Variants in TRAPPC3L observed in about 807,000 individuals in gnomAD.
TRAPPC3L encodes the protein trafficking protein particle complex subunit 3L.
TRAPPC3L carries 23 observed loss-of-function variants against 23.7 expected under a neutral mutation model. The observed-to-expected ratio is 0.97, with a 90% confidence interval of 0.70 to 1.37. The LOEUF is 1.37. Ranked by LOEUF, TRAPPC3L falls within the 40% of genes most tolerant of loss-of-function variation. The pLI, the probability that TRAPPC3L is intolerant of heterozygous loss-of-function variation, is 0.00. For missense variants in TRAPPC3L, 212 were observed against 216.8 expected, an observed-to-expected ratio of 0.98 and a Z score of 0.14; for synonymous variants, 81 against 77.9, an observed-to-expected ratio of 1.04 and a Z score of -0.21.
chr6:116,545,108 T>C (rs989933214), intron 1 of TRAPPC3L, among the ~76,000 whole-genome samples: 6 of 145,464 alleles, frequency 4.1e-5, no homozygotes, highest in Admixed American at 6.7e-5. Context: ...TATACACACA[T>C]ATATATATAC....
chr6:116,532,633 T>A (rs1326712123), intron 3 of TRAPPC3L, among the ~76,000 whole-genome samples: 1 of 152,246 alleles, frequency 6.6e-6, no homozygotes, highest in African/African-American at 2.4e-5. Context: ...TTTGGGAAAC[T>A]GTATTACTTC....
intron 3 of TRAPPC3L, among the ~76,000 whole-genome samples, chr6:116,527,471 A>C (rs1238663014): frequency 2.1e-5 from 3 of 145,658 alleles, no homozygotes; most frequent in South Asian, 4.4e-4. Context: ...GCCGACATCG[A>C]GCCACTGCAC....
intron 3 of TRAPPC3L, among the ~76,000 whole-genome samples, chr6:116,507,770 G>A (rs892335444): frequency 2.2e-4 from 34 of 151,774 alleles, no homozygotes; most frequent in Non-Finnish European, 4.7e-4. Context: ...GTGGTGGGAG[G>A]CGCATAAATG....
rs1773377427 is a variant in TRAPPC3L, at chr6:116,540,475, G to A, written c.141-13C>T. ...AATGCCGTAACCCCTGTGGATGACG[G>A]AAAGAGTGTGGTCTGAAAATTCTAA... On this transcript the variant is annotated splice_polypyrimidine_tract_variant and intron_variant, in intron 2 of 4. Transcript: ENST00000368602. 1 of 1,548,268 alleles carries A rather than the reference G, an allele frequency of 6.5e-7. No individual in the cohort carries two copies. The highest frequency in any genetic ancestry group is 1.4e-5 in the African/African-American group (1 of 72,866).
chr6:116,515,578 T>G, intron 3 of TRAPPC3L: 1 of 1,587,382 alleles, frequency 6.3e-7, no homozygotes, highest in South Asian at 1.2e-5. Context: ...ACGTGTGTAC[T>G]CAATATTTCT....
At chr6:116,515,827 GC>G in intron 3 of TRAPPC3L, 1 of 1,613,938 alleles carries the variant, frequency 6.2e-7, no homozygotes, top group East Asian at 2.2e-5. Context: ...CTTTTCCCAT[GC>G]CTACGTTTGC....
chr6:116,510,557 G>A (rs1434681471), intron 3 of TRAPPC3L, among the ~76,000 whole-genome samples: 2 of 151,890 alleles, frequency 1.3e-5, no homozygotes, highest in Non-Finnish European at 2.9e-5. Flanking sequence ...CAAAATGCTA[G>A]GATTACAGAC....
chr6:116,498,747 T>C (rs957862460), intron 4 of TRAPPC3L, among the ~76,000 whole-genome samples: 5 of 152,240 alleles, frequency 3.3e-5, no homozygotes, highest in African/African-American at 1.2e-4. Flanking sequence ...GCTGTACTTG[T>C]TCTTATTAAT....
Position 116,512,217 on chromosome 6 carries a change from C to G in TRAPPC3L, c.241-11551G>C, listed in dbSNP as rs757396231. 50 of 1,599,430 alleles carry G rather than the reference C, an allele frequency of 3.1e-5. No homozygotes were observed. The highest frequency in any genetic ancestry group is 4.0e-5 in the African/African-American group (3 of 74,820). ...ACCGTCAATGAAGAACTGAAACTCT[C>G]CCTTCAGGCCCAGTCTCAGGTAAGA... On this transcript the variant is annotated intron_variant, in intron 3 of 4. Transcript: ENST00000368602.
At chr6:116,518,530 A>G in intron 3 of TRAPPC3L, 1 of 152,362 alleles carries the variant, frequency 6.6e-6, no homozygotes, top group Admixed American at 6.5e-5. Flanking sequence ...TTTCAGAATA[A>G]AGGGAGAGAA....
chr6:116,496,995 G>T lies in TRAPPC3L; in HGVS notation c.505C>A (p.Leu169Ile). Residue 169 changes from leucine to isoleucine, a missense_variant, in exon 5 of 5, where the codon CTA becomes ATA. Physicochemically the swap from Leu to Ile is conservative, Grantham distance 5 (BLOSUM62 2). Coordinates refer to ENST00000368602, the MANE Select transcript of TRAPPC3L (RefSeq NM_001139444.3). ...DSVTEIGITF[L>I]KKRDEKKYRG... ...TATTTTTTCTCGTCTCGCTTTTTTA[G>T]AAATGTTATTCCTATTTCTGTCACA... 1 of 1,544,220 alleles carries T rather than the reference G, an allele frequency of 6.5e-7. No homozygotes were observed. The highest frequency in any genetic ancestry group is 8.7e-7 in the Non-Finnish European group (1 of 1,144,946).
intron 4 of TRAPPC3L, among the ~76,000 whole-genome samples, chr6:116,499,206 A>G (rs2115152445): frequency 6.6e-6 from 1 of 152,252 alleles, no homozygotes; most frequent in African/African-American, 2.4e-5. Context: ...TCTCAATTTC[A>G]TTCCTTTCAG....
chr6:116,507,655 G>T (rs1019123825), intron 3 of TRAPPC3L, among the ~76,000 whole-genome samples: 8 of 152,048 alleles, frequency 5.3e-5, no homozygotes, highest in Non-Finnish European at 1.2e-4. Flanking sequence ...CAGTTTGGGG[G>T]TCTTGGTTGC....
chr6:116,509,203 A>C (rs1486930397), intron 3 of TRAPPC3L, among the ~76,000 whole-genome samples: 1 of 152,118 alleles, frequency 6.6e-6, no homozygotes, highest in African/African-American at 2.4e-5. Context: ...GATGACACAA[A>C]CACAGGGAAA....
rs956232603 is a variant in TRAPPC3L at position 116,545,479 on chromosome 6, A to G, written c.36T>C (p.His12=). Residue 12 remains histidine (H), a synonymous_variant, in exon 1 of 5, where the codon CAT becomes CAC. Transcript: ENST00000368602. ...CTTTGTAGAAAGATCTTACTATTTT[A>G]TGGTATTCTGGTCTTCGGTGTGCAG... ...SRPAHRRPEY[H]KINKDLFVLT... 6.5e-7 allele frequency: 1 copy of G among 1,546,602 alleles called. No individual in the cohort carries two copies. Among genetic ancestry groups the G allele is most frequent in the South Asian group, 1.2e-5 (1 of 83,216 alleles).
At chr6:116,513,768 T>C (rs1234393240) in intron 3 of TRAPPC3L, among the ~76,000 whole-genome samples, 1 of 152,104 alleles carries the variant, frequency 6.6e-6, no homozygotes, top group African/African-American at 2.4e-5. Flanking sequence ...CATTCATCCA[T>C]GGGTGGGGCA....
At chr6:116,533,935 T>C (rs559702590) in intron 3 of TRAPPC3L, among the ~76,000 whole-genome samples, 25 of 152,184 alleles carry the variant, frequency 1.6e-4, no homozygotes, top group Non-Finnish European at 2.9e-4. Flanking sequence ...GTTTAGCCCA[T>C]TGTTCCCTGC....
intron 3 of TRAPPC3L, among the ~76,000 whole-genome samples, chr6:116,509,828 G>A (rs957179498): frequency 2.0e-5 from 3 of 151,890 alleles, no homozygotes; most frequent in African/African-American, 7.2e-5. Flanking sequence ...AAATAAATGG[G>A]ACCTAATTAA....
rs981026723 is a variant in TRAPPC3L at position 116,495,963 on chromosome 6, T to C, written c.*991A>G. On this transcript the variant is annotated 3_prime_UTR_variant, in exon 5 of 5. Coordinates refer to ENST00000368602, the MANE Select transcript of TRAPPC3L (RefSeq NM_001139444.3). The stretch of plus-strand genomic sequence containing the variant: ...TGTCAGATACATAGTTTACAAATAT[T>C]TTCTCCAATTCCGTAGGGTGGTATC... 2 of 152,228 alleles carry C rather than the reference T, an allele frequency of 1.3e-5. No homozygotes were observed. Among genetic ancestry groups the C allele is most frequent in the African/African-American group, 4.8e-5 (2 of 41,454 alleles). The allele number at this position is 152,228 out of a possible 1,614,324, so 9.4% of individuals were successfully genotyped here. A position where few individuals can be genotyped will look rare whatever the true frequency, so the allele number is the denominator to read the frequency against.
Sources: allele counts gnomAD v4.1 joint callset (sites outside exome capture counted in the v4.1 genomes callset), GRCh38; gene constraint gnomAD v4.1.1; transcripts MANE v1.5; gene names NCBI Gene and HGNC (gene_info 2026-07-23, HGNC 2026-07-21).